The following GRM8 variants were observed in gnomAD, a reference collection of about 807,000 sequenced individuals.
GRM8 encodes metabotropic glutamate receptor 8.
GRM8 carries 47 observed loss-of-function variants against 87.2 expected under a neutral mutation model. The ratio of observed to expected loss-of-function variants is 0.54; its 90% confidence interval spans 0.43 to 0.69. The LOEUF (loss-of-function observed/expected upper bound fraction) is 0.69. Among genes scored for constraint, GRM8 ranks in the 30% least tolerant of loss-of-function variants. The probability of loss-of-function intolerance (pLI) is 0.00; values close to 1 mark genes in which losing one functional copy is unlikely to be tolerated. For missense variants in GRM8, 1,019 were observed against 1,139.2 expected, an observed-to-expected ratio of 0.89 and a Z score of 1.52; for synonymous variants, 396 against 404.5, an observed-to-expected ratio of 0.98 and a Z score of 0.25.
chr7:127,090,709 G>A (rs1374284250), intron 3 of GRM8, among the ~76,000 whole-genome samples: 1 of 140,382 alleles, frequency 7.1e-6, no homozygotes, highest in Admixed American at 6.8e-5. Context: ...TGTGCCCTCC[G>A]GTTGCGGCAC....
intron 9 of GRM8, among the ~76,000 whole-genome samples, chr7:126,472,900 T>A (rs1805463964): frequency 6.6e-6 from 1 of 152,188 alleles, no homozygotes; most frequent in African/African-American, 2.4e-5. Context: ...AGCCACAAGC[T>A]TTGGCAGTTT....
chr7:126,751,476 A>G (rs572536281), intron 7 of GRM8, among the ~76,000 whole-genome samples: 3 of 152,048 alleles, frequency 2.0e-5, no homozygotes, highest in Admixed American at 6.6e-5. Context: ...CTTGTCTTAA[A>G]GTTAATTTGG....
chr7:127,012,805 A>T (rs1815026135), intron 3 of GRM8, among the ~76,000 whole-genome samples: 1 of 152,154 alleles, frequency 6.6e-6, no homozygotes, highest in African/African-American at 2.4e-5. Flanking sequence ...GGAGAAAATA[A>T]TATCCTTGCT....
At chr7:127,021,261 A>T (rs1816233250) in intron 3 of GRM8, among the ~76,000 whole-genome samples, 1 of 151,852 alleles carries the variant, frequency 6.6e-6, no homozygotes, top group African/African-American at 2.4e-5. Context: ...TTTCCACTGA[A>T]ACCCTGCCCT....
At chr7:126,718,664 A>T (rs890075912) in intron 7 of GRM8, among the ~76,000 whole-genome samples, 10 of 152,156 alleles carry the variant, frequency 6.6e-5, no homozygotes, top group African/African-American at 2.2e-4. Context: ...GCCCTCTAGA[A>T]TTATTCACTG....
intron 2 of GRM8, among the ~76,000 whole-genome samples, chr7:127,220,693 T>C (rs1308729229): frequency 6.6e-6 from 1 of 152,134 alleles, no homozygotes; most frequent in African/African-American, 2.4e-5. Context: ...CTCAGTATGT[T>C]GCCCAGGCTG....
chr7:127,241,045 C>T (rs1480982027), intron 2 of GRM8, among the ~76,000 whole-genome samples: 4 of 152,236 alleles, frequency 2.6e-5, no homozygotes, highest in African/African-American at 9.6e-5. Flanking sequence ...CTCCAGCACA[C>T]CCTGAAGCCT....
chr7:126,887,538 C>T (rs559854323), intron 6 of GRM8, among the ~76,000 whole-genome samples: 60 of 152,186 alleles, frequency 3.9e-4, no homozygotes, highest in African/African-American at 1.4e-3. Context: ...ATCTTACTCT[C>T]TGCTTATTTA....
chr7:126,828,421 T>G (rs1384402856), intron 6 of GRM8, among the ~76,000 whole-genome samples: 42 of 152,240 alleles, frequency 2.8e-4, no homozygotes, highest in Admixed American at 2.5e-3. Context: ...AGATTCAACT[T>G]CTTCCTGGTT....
intron 7 of GRM8, among the ~76,000 whole-genome samples, chr7:126,768,299 C>T (rs1403543859): frequency 1.4e-5 from 2 of 142,436 alleles, no homozygotes; most frequent in Non-Finnish European, 3.0e-5. Flanking sequence ...AGTAAAGTAT[C>T]GTCAGCACCT....
chr7:126,556,068 T>A (rs1201202701), intron 8 of GRM8, among the ~76,000 whole-genome samples: 2 of 152,110 alleles, frequency 1.3e-5, no homozygotes, highest in African/African-American at 2.4e-5. Flanking sequence ...AAATAATAAA[T>A]TATCTTGGGG....
chr7:127,067,463 T>C (rs1485952473), intron 3 of GRM8, among the ~76,000 whole-genome samples: 8 of 152,244 alleles, frequency 5.3e-5, no homozygotes, highest in Admixed American at 1.3e-4. Context: ...TAAAGGAGAC[T>C]TGCCTTGCTG....
At chr7:126,898,276 C>A in intron 6 of GRM8, among the ~76,000 whole-genome samples, 1 of 152,164 alleles carries the variant, frequency 6.6e-6, no homozygotes, top group Non-Finnish European at 1.5e-5. Context: ...TTTTTCCTTT[C>A]AAGTACATTT....
chr7:126,701,656 T>C, intron 7 of GRM8: 3 of 413,962 alleles, frequency 7.2e-6, no homozygotes, highest in Non-Finnish European at 1.4e-5. Flanking sequence ...CAAGTTCAAA[T>C]AGTCTAGATA....
chr7:126,889,225 A>G (rs1365356877), intron 6 of GRM8, among the ~76,000 whole-genome samples: 1 of 152,150 alleles, frequency 6.6e-6, no homozygotes, highest in Non-Finnish European at 1.5e-5. Flanking sequence ...CACCACCAAA[A>G]TCTAAAAATG....
At chr7:126,684,145 A>T (rs187978558) in intron 7 of GRM8, among the ~76,000 whole-genome samples, 2 of 152,298 alleles carry the variant, frequency 1.3e-5, no homozygotes, top group East Asian at 3.9e-4. Flanking sequence ...AAAGAAAAAA[A>T]ATCATACTTA....
At chr7:126,852,768 T>G (rs2130737421) in intron 6 of GRM8, among the ~76,000 whole-genome samples, 1 of 152,280 alleles carries the variant, frequency 6.6e-6, no homozygotes, top group African/African-American at 2.4e-5. Flanking sequence ...TATGTGTGTG[T>G]TATATACTTT....
intron 2 of GRM8, among the ~76,000 whole-genome samples, chr7:127,237,499 A>G (rs1274670683): frequency 2.0e-5 from 3 of 152,220 alleles, no homozygotes; most frequent in African/African-American, 4.8e-5. Flanking sequence ...GGAAGAAAAT[A>G]TATCTTCATA....
intron 6 of GRM8, among the ~76,000 whole-genome samples, chr7:126,772,868 T>C (rs1818998831): frequency 6.6e-6 from 1 of 152,086 alleles, no homozygotes; most frequent in Non-Finnish European, 1.5e-5. Context: ...AAGAAAGAAT[T>C]TCCCATTTCT....
Sources: gnomAD v4.1 joint callset for allele counts (sites outside exome capture counted in the v4.1 genomes callset) on GRCh38, gnomAD v4.1.1 for gene constraint, MANE v1.5 for transcripts, NCBI Gene and HGNC (gene_info 2026-07-23, HGNC 2026-07-21) for gene names.